POGZ: variants seen among roughly 807,000 people sequenced by gnomAD.
POGZ encodes pogo transposable element with ZNF domain.
A neutral mutation model predicts 134.6 loss-of-function variants in POGZ; 17 were observed. That is an observed-to-expected ratio of 0.13 (90% confidence interval 0.09 to 0.19). The LOEUF (loss-of-function observed/expected upper bound fraction) is 0.19. Among genes scored for constraint, POGZ ranks in the 10% least tolerant of loss-of-function variants. The pLI is 1.00. For synonymous variants in POGZ, 693 were observed against 657.1 expected, an observed-to-expected ratio of 1.05 and a Z score of -0.84; for missense variants, 1,306 against 1,769.7, an observed-to-expected ratio of 0.74 and a Z score of 4.70.
At chr1:151,454,856 T>A (rs1319810284) in intron 1 of POGZ, 2 of 152,298 alleles carry the variant, frequency 1.3e-5, no homozygotes, top group African/African-American at 4.8e-5. Context: ...ACGCCTGTAA[T>A]CCCAGCACTT....
At chr1:151,419,668 C>CA (rs59593149) in intron 10 of POGZ, among the ~76,000 whole-genome samples, 598 of 43,648 alleles carry the variant, frequency 0.014, 204 homozygotes, top group Admixed American at 0.051. Flanking sequence ...GACCCTGTCT[C>CA]AAAAAAAAAA....
In POGZ at chr1:151,423,900, G is replaced by GT. The variant is rs778893466; in HGVS notation, c.1523+48dup. 5.5e-5 allele frequency: 76 copies of GT among 1,375,284 alleles called. No homozygotes were observed. The Middle Eastern group carries it at 9.8e-4, about 18-fold the overall frequency. 85.2% of individuals were successfully genotyped at this position (1,375,284 alleles called of 1,614,324 possible). A position where few individuals can be genotyped will look rare whatever the true frequency, so the allele number is the denominator to read the frequency against. On this transcript the variant is annotated intron_variant, in intron 9 of 18. Transcript: ENST00000271715. ...AAAGACTTAAAATATATAAGAAAAT[G>GT]TAAGTCTTCTCTTGTTCAAGGTAAC...
chr1:151,424,218 T>C lies in POGZ; in HGVS notation c.1254A>G (p.Pro418=). 6.2e-7 allele frequency: 1 copy of C among 1,613,934 alleles called. No homozygotes were observed. Among genetic ancestry groups the C allele is most frequent in the Non-Finnish European group, 8.5e-7 (1 of 1,179,870 alleles). The change falls in exon 9 of 19, where the codon CCA becomes CCG. Residue 418 remains proline (P), a synonymous_variant. Coordinates refer to ENST00000271715, the MANE Select transcript of POGZ (RefSeq NM_015100.4). Reference sequence around the variant, plus strand: ...CAGGGGATGGGGGCTTTGCTGCTGATGGGACACTGGGTTCTGAATCCAGGG... The same window carrying C: ...CAGGGGATGGGGGCTTTGCTGCTGACGGGACACTGGGTTCTGAATCCAGGG... ...GKSLDSEPSV[P]SAAKPPSPEK...
At chr1:151,434,882 C>T (rs1659318279) in intron 3 of POGZ, among the ~76,000 whole-genome samples, 1 of 151,788 alleles carries the variant, frequency 6.6e-6, no homozygotes, top group African/African-American at 2.4e-5. Context: ...TCTAAGTTTG[C>T]TCTCTCTTGA....
At position 151,406,147 on chromosome 1, in the gene POGZ, C is replaced by A. The variant is rs778587026; in HGVS notation, c.2888G>T (p.Gly963Val). Residue 963 changes from glycine (G) to valine (V), a missense_variant, in exon 19 of 19, where the codon GGT becomes GTT. Physicochemically the swap from Gly to Val is moderately radical, Grantham distance 109. Coordinates refer to ENST00000271715, the MANE Select transcript of POGZ (RefSeq NM_015100.4). ...CTCCTTTTTGCCAACTCCACCACTA[C>A]CACCACCACCTGATGCTAGCTCAGG... is the stretch of plus-strand genomic sequence containing the variant. ...QEPELASGGG[G>V]SGGVGKKEQL... 1 of 1,614,142 alleles carries A rather than the reference C, an allele frequency of 6.2e-7. No homozygotes were observed. Among genetic ancestry groups the A allele is most frequent in the Non-Finnish European group, 8.5e-7 (1 of 1,179,966 alleles).
chr1:151,427,914 G>C lies in POGZ; in HGVS notation c.987C>G (p.Ser329=). 6.2e-7 allele frequency: 1 copy of C among 1,614,054 alleles called. No homozygotes were observed. Among genetic ancestry groups the C allele is most frequent in the Non-Finnish European group, 8.5e-7 (1 of 1,179,962 alleles). ...KLVNTLNTIP[S]LGQSPGPVVV... ...CCACTGGCCCAGGACTCTGGCCCAG[G>C]GAAGGGATGGTGTTAAGGGTATTCA... is the stretch of plus-strand genomic sequence containing the variant. The change falls in exon 7 of 19, where the codon TCC becomes TCG. Residue 329 remains serine, a synonymous_variant. Coordinates refer to ENST00000271715, the MANE Select transcript of POGZ (RefSeq NM_015100.4).
intron 1 of POGZ, among the ~76,000 whole-genome samples, chr1:151,457,254 G>C (rs956016327): frequency 6.6e-6 from 1 of 152,168 alleles, no homozygotes; most frequent in African/African-American, 2.4e-5. Context: ...CTCTGGAAAA[G>C]GGAAGGAAAT....
rs376645401 is a variant in POGZ at position 151,432,181 on chromosome 1, A to G, written c.284-1340T>C. On this transcript the variant is annotated intron_variant, in intron 3 of 18. Coordinates refer to ENST00000271715, the MANE Select transcript of POGZ (RefSeq NM_015100.4). ...AAGGCTCTGTCTCAAAACAACAACA[A>G]CAGCAACAACAACAAGAAACAAAAA... 1.7e-4 allele frequency among the ~76,000 whole-genome samples: 26 copies of G among 152,144 alleles called. No individual in the cohort carries two copies. The East Asian group carries it at 2.5e-3, about 15-fold the overall frequency.
At chr1:151,447,755 G>C (rs1282051070) in intron 1 of POGZ, among the ~76,000 whole-genome samples, 2 of 148,254 alleles carry the variant, frequency 1.3e-5, no homozygotes, top group African/African-American at 5.0e-5. Context: ...TTCCCAAAGT[G>C]CTGGGATTAT....
At chr1:151,428,700 C>T (rs771779847) in intron 5 of POGZ, among the ~76,000 whole-genome samples, 1 of 152,078 alleles carries the variant, frequency 6.6e-6, no homozygotes, top group African/African-American at 2.4e-5. Flanking sequence ...GGCTTGACCT[C>T]GGTACTGGAA....
rs541309004 is a variant in POGZ, at chr1:151,449,844, A to G, written c.-1-7639T>C. On this transcript the variant is annotated intron_variant, in intron 1 of 18. Coordinates refer to ENST00000271715, the MANE Select transcript of POGZ (RefSeq NM_015100.4). ...CTGGGAGATGCAGCTTGCAGACTGCACCACTGCACTCCAGCCTGGGAGACA... is the reference window on the plus strand; with the variant it reads ...CTGGGAGATGCAGCTTGCAGACTGCGCCACTGCACTCCAGCCTGGGAGACA... Among the ~76,000 whole-genome samples, 15 of 152,252 alleles carry G rather than the reference A, an allele frequency of 9.9e-5. No individual in the cohort carries two copies. The South Asian group carries it at 3.1e-3, about 32-fold the overall frequency.
intron 7 of POGZ, among the ~76,000 whole-genome samples, chr1:151,426,007 C>T (rs1206273487): frequency 6.6e-6 from 1 of 152,128 alleles, no homozygotes; most frequent in African/African-American, 2.4e-5. Context: ...ACATCCTCAA[C>T]AATATTTGTT....
In POGZ at chr1:151,406,165, A is replaced by G; in HGVS notation, c.2870T>C (p.Leu957Pro). Residue 957 changes from leucine to proline, a missense_variant, in exon 19 of 19, where the codon CTA becomes CCA. Around this residue, in one of 10 missense-constraint regions of POGZ, gnomAD observed 214 missense variants for 255.5 expected, o/e 0.84. Coordinates refer to ENST00000271715, the MANE Select transcript of POGZ (RefSeq NM_015100.4). ...EGSPVTQEPE[L>P]ASGGGGSGGV... ...ACCACTACCACCACCACCTGATGCT[A>G]GCTCAGGTTCTTGGGTGACTGGGCT... 6.2e-7 allele frequency: 1 copy of G among 1,614,092 alleles called. No individual in the cohort carries two copies. The highest frequency in any genetic ancestry group is 1.1e-5 in the South Asian group (1 of 91,076).
At chr1:151,408,072 C>G (rs774787544) in intron 15 of POGZ, 28 bp downstream of exon 15, 4 of 1,522,840 alleles carry the variant, frequency 2.6e-6, no homozygotes, top group Non-Finnish European at 2.7e-6. Flanking sequence ...AACTCTCAAG[C>G]TAAAACACTG....
Position 151,403,567 on chromosome 1 carries a change from T to C in POGZ, c.*1235A>G. ...CCATGAGTACATACAATTAAAAAAA[T>C]CCCTCATGCAAATTGTAGAAAAAAT... On this transcript the variant is annotated 3_prime_UTR_variant, in exon 19 of 19. Coordinates refer to ENST00000271715, the MANE Select transcript of POGZ (RefSeq NM_015100.4). The C allele has an allele frequency of 2.0e-6, 2 of 985,564 alleles. No individual in the cohort carries two copies. The highest frequency in any genetic ancestry group is 2.4e-6 in the Non-Finnish European group (2 of 829,720). 61.1% of individuals were successfully genotyped at this position (985,564 alleles called of 1,614,324 possible).
At chr1:151,420,262 G>C (rs965624292) in intron 10 of POGZ, among the ~76,000 whole-genome samples, 2 of 152,170 alleles carry the variant, frequency 1.3e-5, no homozygotes, top group Non-Finnish European at 2.9e-5. Flanking sequence ...GTGAAGAATC[G>C]TGAGTCCTAT....
At chr1:151,424,414 T>G (rs1657430721) in intron 8 of POGZ, 128 bp from the exon 9 acceptor site, 7 of 603,900 alleles carry the variant, frequency 1.2e-5, no homozygotes, top group South Asian at 1.1e-4. Context: ...CACCCTTCAG[T>G]TTTTTTTAGC....
At position 151,406,039 on chromosome 1, in the gene POGZ, G is replaced by C; in HGVS notation, c.2996C>G (p.Pro999Arg). The change falls in exon 19 of 19, where the codon CCC (proline) becomes CGC (arginine). Residue 999 changes from proline to arginine, a missense_variant. Physicochemically the swap from Pro to Arg is moderately radical, Grantham distance 103 (BLOSUM62 -2). Coordinates refer to ENST00000271715, the MANE Select transcript of POGZ (RefSeq NM_015100.4). ...TEQAAEHFRN[P>R]QRRIRRWLRR... ...AAGCCAACGGCGAATACGTCGCTGG[G>C]GATTTCGGAAGTGTTCAGCTGCCTG... is the stretch of plus-strand genomic sequence containing the variant. The C allele has an allele frequency of 1.9e-6, 3 of 1,614,194 alleles. No individual in the cohort carries two copies. Among genetic ancestry groups the C allele is most frequent in the Non-Finnish European group, 2.5e-6 (3 of 1,180,030 alleles).
chr1:151,437,620 C>T (rs1163829988), intron 3 of POGZ, among the ~76,000 whole-genome samples: 4 of 151,932 alleles, frequency 2.6e-5, no homozygotes, highest in Admixed American at 1.3e-4. Context: ...AGCATGGCAG[C>T]GCATGCCTGT....
Sources: allele counts gnomAD v4.1 joint callset (sites outside exome capture counted in the v4.1 genomes callset), GRCh38; gene constraint gnomAD v4.1.1; regional missense constraint gnomAD v4.1.1; transcripts MANE v1.5; gene names NCBI Gene and HGNC (gene_info 2026-07-23, HGNC 2026-07-21).